The following ITK variants were observed in gnomAD, a reference collection of about 807,000 sequenced individuals.
ITK encodes the protein IL2 inducible T cell kinase.
Under a neutral mutation model 87.6 loss-of-function variants are expected in ITK, and 45 were observed. That is an observed-to-expected ratio of 0.51 (90% confidence interval 0.40 to 0.66). The LOEUF (loss-of-function observed/expected upper bound fraction) is 0.66. Ranked by LOEUF, ITK falls within the 30% of genes least tolerant of loss-of-function variation. The probability of loss-of-function intolerance (pLI) is 0.00; values close to 1 mark genes in which losing one functional copy is unlikely to be tolerated. For missense variants in ITK, 605 were observed against 766.3 expected, an observed-to-expected ratio of 0.79 and a Z score of 2.48; for synonymous variants, 303 against 273.6, an observed-to-expected ratio of 1.11 and a Z score of -1.06.
chr5:157,185,892 T>G (rs1477989649), intron 1 of ITK, among the ~76,000 whole-genome samples: 5 of 152,146 alleles, frequency 3.3e-5, no homozygotes, highest in African/African-American at 9.7e-5. Context: ...TTATTTCCTT[T>G]TAATAAGATG....
intron 13 of ITK, among the ~76,000 whole-genome samples, chr5:157,244,700 T>A (rs987874046): frequency 1.3e-5 from 2 of 152,178 alleles, no homozygotes; most frequent in Non-Finnish European, 2.9e-5. Context: ...CCTCCTGCAT[T>A]TCAGTTTATA....
At chr5:157,246,422 T>TA (rs1755021370) in intron 15 of ITK, among the ~76,000 whole-genome samples, 1 of 152,188 alleles carries the variant, frequency 6.6e-6, no homozygotes, top group Non-Finnish European at 1.5e-5. Flanking sequence ...AGGGCTAATC[T>TA]AGGTGCTGAG....
At chr5:157,248,531 C>T (rs1489552938) in intron 15 of ITK, among the ~76,000 whole-genome samples, 2 of 152,170 alleles carry the variant, frequency 1.3e-5, no homozygotes, top group African/African-American at 2.4e-5. Context: ...CCTCCCCAAT[C>T]CCAATAGTGT....
chr5:157,205,352 T>TA (rs1284308797), intron 1 of ITK, among the ~76,000 whole-genome samples: 4 of 152,014 alleles, frequency 2.6e-5, no homozygotes, highest in African/African-American at 2.4e-5. Context: ...GCTACCTCCT[T>TA]AAAAAAATAA....
At chr5:157,195,603 C>T (rs1304158935) in intron 1 of ITK, 1 of 152,222 alleles carries the variant, frequency 6.6e-6, no homozygotes, top group Non-Finnish European at 1.5e-5. Context: ...TGCTGTCCTA[C>T]ATCACAGCAA....
At chr5:157,207,362 TATCTAG>T (rs1389600039) in intron 1 of ITK, among the ~76,000 whole-genome samples, 1 of 147,214 alleles carries the variant, frequency 6.8e-6, no homozygotes, top group Non-Finnish European at 1.5e-5. Context: ...CTTTATCACG[TATCTAG>T]ATACGTCTCT....
intron 1 of ITK, among the ~76,000 whole-genome samples, chr5:157,189,454 C>A (rs1405562368): frequency 6.6e-6 from 1 of 152,100 alleles, no homozygotes; most frequent in African/African-American, 2.4e-5. Flanking sequence ...CCAAGGCGGG[C>A]GGATTACCTG....
chr5:157,207,316 C>G (rs1442765434), intron 1 of ITK, among the ~76,000 whole-genome samples: 1 of 148,580 alleles, frequency 6.7e-6, no homozygotes, highest in Non-Finnish European at 1.5e-5. Flanking sequence ...CTAGTCTACT[C>G]TGGAAACACC....
chr5:157,244,072 G>C, intron 12 of ITK, 190 bp from the exon 13 acceptor site: 1 of 688,348 alleles, frequency 1.5e-6, no homozygotes, highest in South Asian at 1.7e-5. Context: ...CACACACACA[G>C]CTGACTCCTT....
intron 15 of ITK, 118 bp downstream of exon 15, chr5:157,246,117 C>A: frequency 1.2e-6 from 1 of 804,548 alleles, no homozygotes. Flanking sequence ...TGAGGGTGTC[C>A]CACTGGAGGG....
rs1478440592 is a variant in ITK, at chr5:157,239,910, A to C, written c.852-152A>C. ...ACACAGTACTGCAGCACCCAGGCCCAATCTGTCAAGACAGACTTATAAGTT... is the reference window on the plus strand; with the variant it reads ...ACACAGTACTGCAGCACCCAGGCCCCATCTGTCAAGACAGACTTATAAGTT... On this transcript the variant is annotated intron_variant, in intron 9 of 16. Transcript: ENST00000422843. 2.9e-5 allele frequency: 23 copies of C among 789,622 alleles called. 1 individual carries two copies. In the South Asian group the frequency reaches 3.5e-4, roughly 12 times the overall value. 48.9% of individuals were successfully genotyped at this position (789,622 alleles called of 1,614,324 possible).
chr5:157,213,541 C>A (rs2113755314), intron 3 of ITK: 1 of 439,764 alleles, frequency 2.3e-6, no homozygotes. Flanking sequence ...CCATGCCCAG[C>A]TAACTTTTTT....
Position 157,241,699 on chromosome 5 carries a change from G to T in ITK, c.1039G>T (p.Val347Phe). 1 of 1,613,568 alleles carries T rather than the reference G, an allele frequency of 6.2e-7. No individual in the cohort carries two copies. Among genetic ancestry groups the T allele is most frequent in the Non-Finnish European group, 8.5e-7 (1 of 1,179,564 alleles). The stretch of plus-strand genomic sequence containing the variant: ...TTGTTTTGGGAGGCAGAAAGCCCCA[G>T]TTACAGCAGGGCTGAGATACGGTGA... Reference protein sequence around the residue: ...PVCFGRQKAPVTAGLRYGKWV... With the variant: ...PVCFGRQKAPFTAGLRYGKWV... Residue 347 changes from valine to phenylalanine, a missense_variant, in exon 11 of 17, where the codon GTT (valine) becomes TTT (phenylalanine). Val to Phe is a conservative substitution (Grantham distance 50). Transcript: ENST00000422843.
chr5:157,208,418 T>A (rs1754123171), intron 1 of ITK, among the ~76,000 whole-genome samples: 1 of 151,544 alleles, frequency 6.6e-6, no homozygotes, highest in African/African-American at 2.4e-5. Flanking sequence ...GGACTGCGGA[T>A]AATTAAAGGA....
At chr5:157,192,636 A>G (rs577377200) in intron 1 of ITK, among the ~76,000 whole-genome samples, 2 of 152,362 alleles carry the variant, frequency 1.3e-5, no homozygotes, top group South Asian at 4.1e-4. Flanking sequence ...AAACATTTTA[A>G]TATAAAATTA....
intron 8 of ITK, among the ~76,000 whole-genome samples, chr5:157,235,089 T>C (rs995751177): frequency 1.3e-5 from 2 of 152,216 alleles, no homozygotes; most frequent in Non-Finnish European, 2.9e-5. Context: ...CACCTTGTAG[T>C]TGTTCAATAA....
intron 6 of ITK, among the ~76,000 whole-genome samples, chr5:157,227,822 C>CTTTTTTTTT (rs34428784): frequency 1.2e-5 from 1 of 84,832 alleles, no homozygotes; most frequent in South Asian, 4.3e-4. Context: ...TTACCAATTC[C>CTTTTTTTTT]TTTTTTTTTT....
At chr5:157,252,056 A>C (rs937958492) in intron 16 of ITK, among the ~76,000 whole-genome samples, 1 of 152,216 alleles carries the variant, frequency 6.6e-6, no homozygotes, top group African/African-American at 2.4e-5. Context: ...GATTATATTG[A>C]ATCTATAAGT....
chr5:157,226,790 T>C (rs911323798), intron 6 of ITK, among the ~76,000 whole-genome samples: 1 of 150,344 alleles, frequency 6.7e-6, no homozygotes, highest in Non-Finnish European at 1.5e-5. Context: ...GCATCTTTTT[T>C]TGTTTTGTTT....
Sources: gnomAD v4.1 joint callset for allele counts (sites outside exome capture counted in the v4.1 genomes callset) on GRCh38, gnomAD v4.1.1 for gene constraint, MANE v1.5 for transcripts, NCBI Gene and HGNC (gene_info 2026-07-23, HGNC 2026-07-21) for gene names.